The following SPATA6 variants were observed in gnomAD, a reference collection of about 807,000 sequenced individuals.
The protein encoded by SPATA6 is spermatogenesis-associated protein 6.
In SPATA6, 56 loss-of-function variants were observed where a neutral mutation model predicts 65.3. The observed-to-expected ratio is 0.86, with a 90% CI of 0.69 to 1.07. SPATA6 has a LOEUF of 1.07. Among genes scored for constraint, SPATA6 ranks in the 50% least tolerant of loss-of-function variants. The pLI is 0.00. For missense variants in SPATA6, 590 were observed against 594.8 expected, an observed-to-expected ratio of 0.99 and a Z score of 0.08; for synonymous variants, 199 against 213.2, an observed-to-expected ratio of 0.93 and a Z score of 0.58.
chr1:48,266,540 T>C, the SPATA6 span, among the ~76,000 whole-genome samples: 1 of 152,338 alleles, frequency 6.6e-6, no homozygotes, highest in South Asian at 2.1e-4. Context: ...TGATATAAAA[T>C]GCAAGCTATT....
chr1:48,435,828 C>T (rs568379096), intron 3 of SPATA6: 58 of 958,604 alleles, frequency 6.1e-5, no homozygotes, highest in African/African-American at 4.8e-4. Flanking sequence ...CTGTCCGCAC[C>T]GCTGGCAGCC....
chr1:48,324,311 A>G (rs551167875), intron 11 of SPATA6, among the ~76,000 whole-genome samples: 1 of 152,256 alleles, frequency 6.6e-6, no homozygotes, highest in African/African-American at 2.4e-5. Context: ...TATTCCAAAA[A>G]ATAGAGGAGG....
At chr1:48,455,503 C>CT (rs1244838677) in intron 1 of SPATA6, among the ~76,000 whole-genome samples, 4 of 151,958 alleles carry the variant, frequency 2.6e-5, no homozygotes, top group African/African-American at 4.8e-5. Flanking sequence ...CTACCTCAGC[C>CT]TCAAGTAGCT....
At position 48,359,735 on chromosome 1, in the gene SPATA6, G is replaced by A; in HGVS notation, c.945C>T (p.Asp315=). Residue 315 remains aspartate (D), a synonymous_variant, in exon 10 of 13, where the codon GAC becomes GAT. Transcript: ENST00000371847. ...AATACTCTTCACATTTTTCTAAAGA[G>A]TCATCGAAGTCTCTCCCATGGGGTG... is the stretch of plus-strand genomic sequence containing the variant. ...IRTPHGRDFD[D]SLEKCEEYLS... 6.2e-7 allele frequency: 1 copy of A among 1,613,092 alleles called. No homozygotes were observed. Among genetic ancestry groups the A allele is most frequent in the Non-Finnish European group, 8.5e-7 (1 of 1,179,602 alleles).
chr1:48,340,161 G>A (rs930237132), intron 11 of SPATA6, among the ~76,000 whole-genome samples: 7 of 142,696 alleles, frequency 4.9e-5, no homozygotes, highest in African/African-American at 1.9e-4. Context: ...TCTATACCCA[G>A]GGAGAAAAAA....
chr1:48,464,071 C>A (rs1657640028), intron 1 of SPATA6, among the ~76,000 whole-genome samples: 1 of 151,720 alleles, frequency 6.6e-6, no homozygotes. Context: ...TGCACTAACT[C>A]AATAAATGAA....
intron 11 of SPATA6, among the ~76,000 whole-genome samples, chr1:48,308,988 T>A (rs1225915841): frequency 6.6e-6 from 1 of 152,128 alleles, no homozygotes; most frequent in East Asian, 1.9e-4. Context: ...TGGGCTCAAG[T>A]GATTCTCCCA....
intron 3 of SPATA6, chr1:48,436,173 C>G: frequency 6.2e-7 from 1 of 1,610,842 alleles, no homozygotes; most frequent in Non-Finnish European, 8.5e-7. Context: ...GAGGATTTGA[C>G]AACTTGACTT....
chr1:48,331,438 G>C (rs1241656540), intron 11 of SPATA6, among the ~76,000 whole-genome samples: 1 of 150,942 alleles, frequency 6.6e-6, no homozygotes, highest in Non-Finnish European at 1.5e-5. Context: ...TATATCACAA[G>C]TATTAACAGC....
chr1:48,347,520 AT>A (rs1039983297), intron 11 of SPATA6, among the ~76,000 whole-genome samples: 8 of 146,680 alleles, frequency 5.5e-5, no homozygotes, highest in Non-Finnish European at 1.0e-4. Flanking sequence ...TATATAATGT[AT>A]TAAATTAATT....
chr1:48,390,224 A>G (rs1403682632), intron 8 of SPATA6, among the ~76,000 whole-genome samples: 1 of 152,190 alleles, frequency 6.6e-6, no homozygotes, highest in Non-Finnish European at 1.5e-5. Context: ...ATGGAATAAT[A>G]AAGTAATTAG....
intron 7 of SPATA6, 71 bp downstream of exon 7, chr1:48,399,280 T>G: frequency 6.7e-7 from 1 of 1,498,536 alleles, no homozygotes; most frequent in East Asian, 2.3e-5. Flanking sequence ...TTGAAAGATA[T>G]TTCAGAATAA....
chr1:48,390,349 G>C (rs1278840004), intron 8 of SPATA6, among the ~76,000 whole-genome samples: 1 of 152,176 alleles, frequency 6.6e-6, no homozygotes, highest in Non-Finnish European at 1.5e-5. Context: ...GTTCTCATAT[G>C]TGGAAGCTAA....
intron 11 of SPATA6, among the ~76,000 whole-genome samples, chr1:48,319,017 G>A (rs1188414067): frequency 6.6e-6 from 1 of 151,968 alleles, no homozygotes; most frequent in Non-Finnish European, 1.5e-5. Flanking sequence ...ATTCAATGGG[G>A]GAGCAATCTT....
At position 48,399,591 on chromosome 1, in the gene SPATA6, T is replaced by C. The variant is rs1196748249; in HGVS notation, c.540A>G (p.Gln180=). The change falls in exon 7 of 13, where the codon CAA becomes CAG. Residue 180 remains glutamine, a synonymous_variant. Coordinates refer to ENST00000371847, the MANE Select transcript of SPATA6 (RefSeq NM_019073.4). ...APVEKSHGRL[Q]NRTSRSQKKK... The stretch of plus-strand genomic sequence containing the variant: ...TCTTTTGTGATCTTGATGTTCTGTT[T>C]TGCAGTCTGCCATGTGATTTTTCAA... 1 of 1,611,522 alleles carries C rather than the reference T, an allele frequency of 6.2e-7. No homozygotes were observed.
At chr1:48,312,593 G>C (rs986536488) in intron 11 of SPATA6, among the ~76,000 whole-genome samples, 20 of 152,094 alleles carry the variant, frequency 1.3e-4, no homozygotes, top group African/African-American at 4.8e-4. Flanking sequence ...CACAAAGATG[G>C]GGAAAAAACA....
chr1:48,324,734 T>A (rs1028150040), intron 11 of SPATA6, among the ~76,000 whole-genome samples: 7 of 152,100 alleles, frequency 4.6e-5, no homozygotes, highest in Non-Finnish European at 1.0e-4. Context: ...CCACAGCTAG[T>A]ATCATACCGA....
At chr1:48,312,812 G>A (rs555522259) in intron 11 of SPATA6, among the ~76,000 whole-genome samples, 24 of 152,062 alleles carry the variant, frequency 1.6e-4, no homozygotes, top group Admixed American at 7.9e-4. Flanking sequence ...AAGATTAGAC[G>A]AATGGCTAAC....
At chr1:48,282,261 G>A in the SPATA6 span, among the ~76,000 whole-genome samples, 5 of 152,118 alleles carry the variant, frequency 3.3e-5, no homozygotes, top group African/African-American at 1.2e-4. Flanking sequence ...TACCATTCAG[G>A]ACATAGGCAT....
Sources: allele counts gnomAD v4.1 joint callset (sites outside exome capture counted in the v4.1 genomes callset), GRCh38; gene constraint gnomAD v4.1.1; transcripts MANE v1.5; gene names NCBI Gene and HGNC (gene_info 2026-07-23, HGNC 2026-07-21).